Variants in VPS13D observed in about 807,000 individuals in gnomAD.
VPS13D encodes the protein intermembrane lipid transfer protein VPS13D.
In VPS13D, 187 loss-of-function variants were observed where a neutral mutation model predicts 461.9. The ratio of observed to expected loss-of-function variants is 0.40; its 90% CI spans 0.36 to 0.46. The LOEUF (loss-of-function observed/expected upper bound fraction) is 0.46. VPS13D is among the 20% of genes least tolerant of loss of function. The pLI, the probability that VPS13D is intolerant of heterozygous loss-of-function variation, is 0.60. For missense variants in VPS13D, 4,711 were observed against 5,364.9 expected, an observed-to-expected ratio of 0.88 and a Z score of 3.81; for synonymous variants, 1,951 against 1,986.3, an observed-to-expected ratio of 0.98 and a Z score of 0.47.
chr1:12,505,993 G>A lies in VPS13D; in HGVS notation c.12795-860G>A, dbSNP rs1646100565. On this transcript the variant is annotated intron_variant, in intron 68 of 69. Transcript: ENST00000620676. The surrounding 1 kb of genome is among the most constrained non-coding windows in gnomAD (Gnocchi z 4.2). ...AGCCTGGCTCTGAGCAATTCAGTTT[G>A]CCAGCAGGAGCTCGACTGCCACTCC... is the stretch of plus-strand genomic sequence containing the variant. Among the ~76,000 whole-genome samples the A allele has an allele frequency of 6.6e-6, 1 of 152,238 alleles. No homozygotes were observed. The highest frequency in any genetic ancestry group is 2.4e-5 in the African/African-American group (1 of 41,462).
rs1645979542 is a variant in VPS13D at position 12,497,705 on chromosome 1, A to C, written c.12794+74A>C. On this transcript the variant is annotated intron_variant, in intron 68 of 69. Transcript: ENST00000620676. ...CTTCTTTTGATCCTGAGAAGTCTCCATCTGATCTGAGTTATTTTCATGACT... is the reference window on the plus strand; with the variant it reads ...CTTCTTTTGATCCTGAGAAGTCTCCCTCTGATCTGAGTTATTTTCATGACT... 4.0e-6 allele frequency: 6 copies of C among 1,517,714 alleles called. No homozygotes were observed. The Admixed American group carries it at 1.0e-4, about 25-fold the overall frequency. The allele number at this position is 1,517,714 out of a possible 1,614,324, so 94.0% of individuals were successfully genotyped here.
Position 12,323,702 on chromosome 1 carries a change from C to T in VPS13D, c.7916-4C>T. On this transcript the variant is annotated splice_region_variant and splice_polypyrimidine_tract_variant and intron_variant, in intron 34 of 69. Transcript: ENST00000620676. ...ATGAAAATTTTATGCTATTTGTTTC[C>T]TAGAGTTACAGCTGGCTAGGCTGCA... 6.2e-7 allele frequency: 1 copy of T among 1,612,450 alleles called. No homozygotes were observed. Among genetic ancestry groups the T allele is most frequent in the South Asian group, 1.1e-5 (1 of 90,840 alleles).
rs1202188929 is a variant in VPS13D, at chr1:12,474,830, G to A, written c.12662+14434G>A. On this transcript the variant is annotated intron_variant, in intron 67 of 69. Transcript: ENST00000620676. ...AAGGGAGGTAGCTCTTGGGGGAATA[G>A]CATTCAGGCCACAGGCAATTCATTT... 7.2e-5 allele frequency among the ~76,000 whole-genome samples: 11 copies of A among 152,196 alleles called. No individual in the cohort carries two copies. In the East Asian group the frequency reaches 1.9e-3, roughly 27 times the overall value.
intron 62 of VPS13D, 80 bp downstream of exon 62, chr1:12,401,784 G>C: frequency 8.5e-7 from 1 of 1,179,350 alleles, no homozygotes; most frequent in East Asian, 2.4e-5. Context: ...AAAATAGGTA[G>C]CCCCTTGGTG....
intron 63 of VPS13D, among the ~76,000 whole-genome samples, chr1:12,412,931 A>G (rs1328886240): frequency 6.6e-6 from 1 of 152,360 alleles, no homozygotes; most frequent in African/African-American, 2.4e-5. Flanking sequence ...CAGAATATAT[A>G]AGAACTCCTA....
intron 37 of VPS13D, 67 bp downstream of exon 37, chr1:12,329,985 G>T: frequency 7.9e-7 from 1 of 1,261,048 alleles, no homozygotes. Context: ...TGGACCTATT[G>T]CTACGTAAAT....
At chr1:12,423,278 A>G (rs1353088436) in intron 65 of VPS13D, among the ~76,000 whole-genome samples, 1 of 152,222 alleles carries the variant, frequency 6.6e-6, no homozygotes, top group African/African-American at 2.4e-5. Context: ...TACAGAGCTG[A>G]GACCTGGCTC....
At chr1:12,363,348 C>G (rs1468288187) in intron 52 of VPS13D, 101 bp downstream of exon 52, 5 of 1,306,520 alleles carry the variant, frequency 3.8e-6, no homozygotes, top group African/African-American at 1.5e-5. Context: ...ATATTTCTGG[C>G]TCAGACAGAG....
chr1:12,499,890 G>C (rs567915933), intron 68 of VPS13D: 1 of 985,342 alleles, frequency 1.0e-6, no homozygotes, highest in South Asian at 4.7e-5. Flanking sequence ...GCCCACGAGC[G>C]CCAAATTATA....
At chr1:12,437,102 CTT>C (rs1190294667) in intron 65 of VPS13D, among the ~76,000 whole-genome samples, 1 of 152,150 alleles carries the variant, frequency 6.6e-6, no homozygotes, top group Non-Finnish European at 1.5e-5. Flanking sequence ...CCCTGACTCA[CTT>C]TTTATATAAT....
intron 65 of VPS13D, among the ~76,000 whole-genome samples, chr1:12,441,060 G>A (rs576013165): frequency 1.3e-4 from 20 of 151,968 alleles, no homozygotes; most frequent in South Asian, 1.0e-3. Flanking sequence ...TGAGTAGCTG[G>A]GACTACAGGT....
rs563536049 is a variant in VPS13D at position 12,399,893 on chromosome 1, C to T, written c.11635-288C>T. Among the ~76,000 whole-genome samples, 5 of 152,178 alleles carry T rather than the reference C, an allele frequency of 3.3e-5. No homozygotes were observed. In the South Asian group the frequency reaches 1.0e-3, roughly 32 times the overall value. On this transcript the variant is annotated intron_variant, in intron 60 of 69. Coordinates refer to ENST00000620676, the MANE Select transcript of VPS13D (RefSeq NM_015378.4). ...GAAATATTTTTATGTTGTGGAATGG[C>T]TAAATTGAGCTAATATATGTATTGC...
In VPS13D at chr1:12,283,127, C is replaced by T. The variant is rs1641840523; in HGVS notation, c.5025C>T (p.Asp1675=). Residue 1675 remains aspartate (D), a synonymous_variant, in exon 21 of 70, where the codon GAC becomes GAT. Coordinates refer to ENST00000620676, the MANE Select transcript of VPS13D (RefSeq NM_015378.4). The stretch of plus-strand genomic sequence containing the variant: ...CCCTGCATTCTCTGCTGATGGAGGA[C>T]TTATTGGAGAAGAATCCAGATTCTA... The part of the protein sequence containing the change: ...QIALHSLLME[D]LLEKNPDSKY... 4.3e-6 allele frequency: 7 copies of T among 1,614,002 alleles called. No individual in the cohort carries two copies. The highest frequency in any genetic ancestry group is 5.9e-6 in the Non-Finnish European group (7 of 1,180,018).
chr1:12,353,293 G>A (rs1643843838), intron 46 of VPS13D, among the ~76,000 whole-genome samples: 1 of 151,972 alleles, frequency 6.6e-6, no homozygotes, highest in Admixed American at 6.5e-5. Flanking sequence ...CAGCATTTTG[G>A]GAGGCCAAGG....
chr1:12,415,373 C>A, intron 64 of VPS13D, 152 bp downstream of exon 64: 1 of 950,342 alleles, frequency 1.1e-6, no homozygotes, highest in Non-Finnish European at 1.6e-6. Context: ...TCCCAAGAAG[C>A]CCGTATGTGT....
chr1:12,451,174 T>G (rs922749847), intron 65 of VPS13D, among the ~76,000 whole-genome samples: 2 of 152,162 alleles, frequency 1.3e-5, no homozygotes, highest in Non-Finnish European at 2.9e-5. Context: ...GAATTTCAGT[T>G]TTAGAAAATC....
Position 12,401,633 on chromosome 1 carries a change from TCA to T in VPS13D, c.11813_11814del (p.Thr3938SerfsTer4). On this transcript the variant is annotated frameshift_variant, in exon 62 of 70. Coordinates refer to ENST00000620676, the MANE Select transcript of VPS13D (RefSeq NM_015378.4). LOFTEE classifies it high-confidence loss of function. ...CATCTGATGATCACAGCTCAGAGATTCACAGTGCAAATTGAGGAGAAACTGCT... is the reference window on the plus strand; with the variant it reads ...CATCTGATGATCACAGCTCAGAGATTCAGTGCAAATTGAGGAGAAACTGCT... 1 of 1,613,468 alleles carries T rather than the reference TCA, an allele frequency of 6.2e-7. No homozygotes were observed. Among genetic ancestry groups the T allele is most frequent in the Non-Finnish European group, 8.5e-7 (1 of 1,179,482 alleles).
intron 40 of VPS13D, among the ~76,000 whole-genome samples, chr1:12,339,030 G>T (rs1261084897): frequency 2.0e-5 from 3 of 151,982 alleles, no homozygotes; most frequent in African/African-American, 7.3e-5. Context: ...TAAATAGAAA[G>T]AGACCACAGG....
chr1:12,365,194 A>T (rs1644016892), intron 52 of VPS13D, among the ~76,000 whole-genome samples: 1 of 152,014 alleles, frequency 6.6e-6, no homozygotes. Context: ...GAAATGTGAG[A>T]CCTCCAACTT....
Sources: gnomAD v4.1 joint callset for allele counts (sites outside exome capture counted in the v4.1 genomes callset) on GRCh38, gnomAD v4.1.1 for gene constraint, Gnocchi (gnomAD v3.1) non-coding constraint, MANE v1.5 for transcripts, NCBI Gene and HGNC (gene_info 2026-07-23, HGNC 2026-07-21) for gene names.